The following PPARGC1A variants were observed in gnomAD, a reference collection of about 807,000 sequenced individuals.
The protein encoded by PPARGC1A is peroxisome proliferator-activated receptor gamma coactivator 1-alpha.
Under a neutral mutation model 88.7 loss-of-function variants are expected in PPARGC1A, and 25 were observed. That is an observed-to-expected ratio of 0.28 (90% CI 0.21 to 0.39). The LOEUF (loss-of-function observed/expected upper bound fraction) is 0.39. Among genes scored for constraint, PPARGC1A ranks in the 10% least tolerant of loss-of-function variants. The probability of loss-of-function intolerance (pLI) is 1.00; values close to 1 mark genes in which losing one functional copy is unlikely to be tolerated. For synonymous variants in PPARGC1A, 363 were observed against 355.6 expected, an observed-to-expected ratio of 1.02 and a Z score of -0.24; for missense variants, 880 against 968.7, an observed-to-expected ratio of 0.91 and a Z score of 1.22.
chr4:23,814,326 T>C lies in PPARGC1A; in HGVS notation c.1157A>G (p.Tyr386Cys). 1 of 1,614,078 alleles carries C rather than the reference T, an allele frequency of 6.2e-7. No individual in the cohort carries two copies. Among genetic ancestry groups the C allele is most frequent in the Non-Finnish European group, 8.5e-7 (1 of 1,179,998 alleles). The change falls in exon 8 of 13, where the codon TAT becomes TGT. Residue 386 changes from tyrosine (Y) to cysteine (C), a missense_variant. Coordinates refer to ENST00000264867, the MANE Select transcript of PPARGC1A (RefSeq NM_013261.5). ...TGTTTTGGAATTAATTGACTGGCAA[T>C]AGTCATGGTCACCAAACAGCCGCAG... The part of the protein sequence containing the change: ...PSLRLFGDHD[Y>C]CQSINSKTEI...
intron 2 of PPARGC1A, among the ~76,000 whole-genome samples, chr4:23,856,976 TTGAC>T (rs1444471822): frequency 6.6e-5 from 10 of 152,212 alleles, no homozygotes; most frequent in African/African-American, 2.4e-4. Flanking sequence ...TTGCCATTTA[TTGAC>T]TATCAATTAA....
At chr4:24,343,839 T>A in the PPARGC1A span, among the ~76,000 whole-genome samples, 1 of 152,000 alleles carries the variant, frequency 6.6e-6, no homozygotes, top group Non-Finnish European at 1.5e-5. Flanking sequence ...GGTGCACCCA[T>A]CACCCGAGCA....
chr4:24,435,604 C>G, the PPARGC1A span, among the ~76,000 whole-genome samples: 1 of 152,176 alleles, frequency 6.6e-6, no homozygotes, highest in East Asian at 1.9e-4. Context: ...GTGAGACAAC[C>G]TCTCCTCATT....
chr4:24,467,154 A>T, the PPARGC1A span, among the ~76,000 whole-genome samples: 1 of 151,964 alleles, frequency 6.6e-6, no homozygotes, highest in Non-Finnish European at 1.5e-5. Context: ...AAAAGCGAAC[A>T]ATGTTTTCCA....
the PPARGC1A span, among the ~76,000 whole-genome samples, chr4:24,094,160 C>T: frequency 2.6e-5 from 4 of 152,170 alleles, no homozygotes; most frequent in East Asian, 3.9e-4. Flanking sequence ...ACAGGAATGC[C>T]GAGCCTGTTC....
chr4:24,319,682 A>G, the PPARGC1A span, among the ~76,000 whole-genome samples: 1 of 152,212 alleles, frequency 6.6e-6, no homozygotes, highest in African/African-American at 2.4e-5. Flanking sequence ...TGATAGAATT[A>G]TATGTTCATA....
the PPARGC1A span, among the ~76,000 whole-genome samples, chr4:23,947,503 A>G: frequency 6.6e-6 from 1 of 151,102 alleles, no homozygotes; most frequent in Non-Finnish European, 1.5e-5. Context: ...GGGCAGTGTA[A>G]CCCCAGAACC....
At chr4:23,828,637 A>C in intron 4 of PPARGC1A, 33 bp from the exon 5 acceptor site, 9 of 1,594,518 alleles carry the variant, frequency 5.6e-6, no homozygotes, top group Non-Finnish European at 7.7e-6. Context: ...AGCTAAAATT[A>C]GTGAACTGAA....
chr4:24,176,263 T>C, the PPARGC1A span, among the ~76,000 whole-genome samples: 1 of 152,220 alleles, frequency 6.6e-6, no homozygotes, highest in African/African-American at 2.4e-5. Context: ...TTTAGAACAG[T>C]GCTGCCCCCA....
chr4:24,021,143 C>G, the PPARGC1A span, among the ~76,000 whole-genome samples: 1 of 152,174 alleles, frequency 6.6e-6, no homozygotes, highest in Non-Finnish European at 1.5e-5. Context: ...GTGTTCCCCT[C>G]CTCTGGCCCT....
the PPARGC1A span, among the ~76,000 whole-genome samples, chr4:24,213,552 T>C: frequency 1.3e-5 from 2 of 152,204 alleles, no homozygotes; most frequent in African/African-American, 4.8e-5. Context: ...TCCTGATGTA[T>C]AGCTGTCCAG....
the PPARGC1A span, among the ~76,000 whole-genome samples, chr4:23,938,763 A>G: frequency 6.6e-6 from 1 of 152,232 alleles, no homozygotes; most frequent in African/African-American, 2.4e-5. Context: ...CAAGAAGGTT[A>G]GGAGGTCAGA....
chr4:24,222,246 A>G, the PPARGC1A span, among the ~76,000 whole-genome samples: 1 of 152,238 alleles, frequency 6.6e-6, no homozygotes, highest in Non-Finnish European at 1.5e-5. Flanking sequence ...CTCTTCATCA[A>G]CCTTCTGTCC....
At chr4:24,262,421 C>T in the PPARGC1A span, among the ~76,000 whole-genome samples, 1 of 152,144 alleles carries the variant, frequency 6.6e-6, no homozygotes, top group Non-Finnish European at 1.5e-5. Flanking sequence ...GGGGGTGAGG[C>T]TCTGACAGTA....
At chr4:24,443,439 A>G in the PPARGC1A span, among the ~76,000 whole-genome samples, 1 of 152,150 alleles carries the variant, frequency 6.6e-6, no homozygotes, top group Non-Finnish European at 1.5e-5. Flanking sequence ...GGAAACATAA[A>G]GGTGGGAACT....
the PPARGC1A span, among the ~76,000 whole-genome samples, chr4:24,287,598 TC>T: frequency 1.3e-5 from 2 of 148,168 alleles, no homozygotes; most frequent in African/African-American, 5.0e-5. Context: ...AACCAAGAGC[TC>T]CCATTTCAGA....
In PPARGC1A at chr4:23,884,941, G is replaced by A. The variant is rs1451038647; in HGVS notation, c.55-10C>T. On this transcript the variant is annotated splice_polypyrimidine_tract_variant and intron_variant, in intron 1 of 12. Coordinates refer to ENST00000264867, the MANE Select transcript of PPARGC1A (RefSeq NM_013261.5). The stretch of plus-strand genomic sequence containing the variant: ...CAACCAGAGCAGCACACTGCAGGAG[G>A]CAGAAAAAAAAAATTTAAAAAAGCT... 2 of 1,536,408 alleles carry A rather than the reference G, an allele frequency of 1.3e-6. No individual in the cohort carries two copies. The highest frequency in any genetic ancestry group is 1.8e-6 in the Non-Finnish European group (2 of 1,142,184).
the PPARGC1A span, among the ~76,000 whole-genome samples, chr4:24,077,168 C>T: frequency 6.6e-6 from 1 of 152,048 alleles, no homozygotes; most frequent in Admixed American, 6.6e-5. Flanking sequence ...TCTAGTGCTC[C>T]CCTTTGCCTT....
At chr4:23,993,444 A>G in the PPARGC1A span, among the ~76,000 whole-genome samples, 1 of 152,164 alleles carries the variant, frequency 6.6e-6, no homozygotes, top group African/African-American at 2.4e-5. Flanking sequence ...GTGTTTACCA[A>G]CTTCCTCCAT....
Sources: gnomAD v4.1 joint callset for allele counts (sites outside exome capture counted in the v4.1 genomes callset) on GRCh38, gnomAD v4.1.1 for gene constraint, MANE v1.5 for transcripts, NCBI Gene and HGNC (gene_info 2026-07-23, HGNC 2026-07-21) for gene names.